ENTPD6: variants seen among roughly 807,000 people sequenced by gnomAD.
ENTPD6 encodes the protein ectonucleoside triphosphate diphosphohydrolase 6.
Under a neutral mutation model 61.5 loss-of-function variants are expected in ENTPD6, and 46 were observed. That is an observed-to-expected ratio of 0.75 (90% CI 0.59 to 0.96). ENTPD6 has a LOEUF of 0.96. Among genes scored for constraint, ENTPD6 ranks in the 40% least tolerant of loss-of-function variants. ENTPD6 has a pLI of 0.00. For missense variants in ENTPD6, 612 were observed against 629.0 expected, an observed-to-expected ratio of 0.97 and a Z score of 0.29; for synonymous variants, 252 against 255.5, an observed-to-expected ratio of 0.99 and a Z score of 0.13.
intron 9 of ENTPD6, among the ~76,000 whole-genome samples, chr20:25,218,122 C>T (rs545351836): frequency 2.0e-5 from 3 of 152,324 alleles, no homozygotes; most frequent in African/African-American, 4.8e-5. Context: ...CTACAGTATA[C>T]GCACATTCCT....
rs73339034 is a variant in ENTPD6, at chr20:25,202,558, A to G, written c.-15-3964A>G. Among the ~76,000 whole-genome samples, 1,271 of 152,128 alleles carry G rather than the reference A, an allele frequency of 8.4e-3. 19 individuals are homozygous for G. The highest frequency in any genetic ancestry group is 0.029 in the African/African-American group (1,202 of 41,494). ...TTGTGTATATGCTACAGACATTTCCATTGTGGTTACAACCATAGGGATTAC... is the reference window on the plus strand; with the variant it reads ...TTGTGTATATGCTACAGACATTTCCGTTGTGGTTACAACCATAGGGATTAC... On this transcript the variant is annotated intron_variant, in intron 1 of 14. Transcript: ENST00000376652.
chr20:25,207,064 C>T lies in ENTPD6; in HGVS notation c.55-12C>T, dbSNP rs182067559. 5,991 of 1,590,900 alleles carry T rather than the reference C, an allele frequency of 3.8e-3. 19 individuals are homozygous for T. Among genetic ancestry groups the T allele is most frequent in the Middle Eastern group, 8.6e-3 (51 of 5,964 alleles). Reference sequence around the variant, plus strand: ...TAACGTGCTTTTCCTGCCTCTCCCCCCTTCCCACCAGCAGCCGCAGCACGG... The same window carrying T: ...TAACGTGCTTTTCCTGCCTCTCCCCTCTTCCCACCAGCAGCCGCAGCACGG... On this transcript the variant is annotated splice_polypyrimidine_tract_variant and intron_variant, in intron 2 of 14. Coordinates refer to ENST00000376652, the MANE Select transcript of ENTPD6 (RefSeq NM_001247.5).
chr20:25,224,081 G>A lies in ENTPD6; in HGVS notation c.1187-20G>A, dbSNP rs772792473. 1.9e-6 allele frequency: 3 copies of A among 1,609,322 alleles called. No individual in the cohort carries two copies. The highest frequency in any genetic ancestry group is 3.4e-5 in the Admixed American group (2 of 59,522). The stretch of plus-strand genomic sequence containing the variant: ...CAACCTCACAGTGCTCCTGCAGACT[G>A]GGTGTTGTGTCTCCCACAGATGCGG... On this transcript the variant is annotated intron_variant, in intron 12 of 14. Coordinates refer to ENST00000376652, the MANE Select transcript of ENTPD6 (RefSeq NM_001247.5).
At chr20:25,221,601 G>T in intron 11 of ENTPD6, 1 of 485,342 alleles carries the variant, frequency 2.1e-6, no homozygotes, top group Non-Finnish European at 3.8e-6. Flanking sequence ...TAACAGGCCT[G>T]CAGGGAGGAA....
At chr20:25,216,833 T>C in intron 8 of ENTPD6, 97 bp downstream of exon 8, 1 of 289,906 alleles carries the variant, frequency 3.4e-6, no homozygotes, top group South Asian at 2.8e-5. Flanking sequence ...CGGGGTGGGG[T>C]GGGGGGTGGG....
intron 6 of ENTPD6, 116 bp downstream of exon 6, chr20:25,215,058 C>A: frequency 1.5e-6 from 1 of 680,252 alleles, no homozygotes; most frequent in South Asian, 1.7e-5. Flanking sequence ...AGCCTCCTCC[C>A]CCGTCCGATG....
At chr20:25,210,448 C>T (rs1600573708) in intron 4 of ENTPD6, among the ~76,000 whole-genome samples, 1 of 136,288 alleles carries the variant, frequency 7.3e-6, no homozygotes, top group Non-Finnish European at 1.7e-5. Context: ...GAGTTGAAGA[C>T]CAGCCTGGGC....
Position 25,206,539 on chromosome 20 carries a change from G to GA in ENTPD6, c.9dup (p.Gly4ArgfsTer5). Reference sequence around the variant, plus strand: ...CTTGGCAGGAATGGGCTATGTGAATGAAAAAAGGTATCCGTTATGAAACTT... The same window carrying GA: ...CTTGGCAGGAATGGGCTATGTGAATGAAAAAAAGGTATCCGTTATGAAACTT... On this transcript the variant is annotated frameshift_variant, in exon 2 of 15. Coordinates refer to ENST00000376652, the MANE Select transcript of ENTPD6 (RefSeq NM_001247.5). LOFTEE classifies it high-confidence loss of function. 1.9e-6 allele frequency: 3 copies of GA among 1,613,540 alleles called. No individual in the cohort carries two copies. Among genetic ancestry groups the GA allele is most frequent in the Non-Finnish European group, 2.5e-6 (3 of 1,179,478 alleles).
chr20:25,222,750 G>A, intron 11 of ENTPD6, 88 bp from the exon 12 acceptor site: 1 of 1,537,224 alleles, frequency 6.5e-7, no homozygotes, highest in Non-Finnish European at 8.8e-7. Flanking sequence ...TCAGGTCAGA[G>A]TCTCAAGTCC....
chr20:25,225,041 G>A, intron 13 of ENTPD6, 164 bp from the exon 14 acceptor site: 1 of 1,136,378 alleles, frequency 8.8e-7, no homozygotes. Flanking sequence ...CCACCTGCCT[G>A]TGCTGTGCAC....
chr20:25,204,175 C>G (rs2091273459), intron 1 of ENTPD6, among the ~76,000 whole-genome samples: 1 of 152,176 alleles, frequency 6.6e-6, no homozygotes, highest in Admixed American at 6.5e-5. Context: ...TGATGTGTTG[C>G]TCACATGTGG....
chr20:25,214,365 G>A (rs1309095016), intron 5 of ENTPD6, among the ~76,000 whole-genome samples: 1 of 152,238 alleles, frequency 6.6e-6, no homozygotes, highest in Non-Finnish European at 1.5e-5. Context: ...CGAGGCCAGG[G>A]CCCTGGTGAA....
intron 3 of ENTPD6, among the ~76,000 whole-genome samples, chr20:25,209,115 A>ATTTT (rs35880604): frequency 3.0e-5 from 4 of 132,174 alleles, no homozygotes; most frequent in South Asian, 2.4e-4. Flanking sequence ...TTTTTATTTA[A>ATTTT]TTTTTTTTTT....
intron 4 of ENTPD6, among the ~76,000 whole-genome samples, chr20:25,212,336 T>C (rs2092022193): frequency 6.6e-6 from 1 of 152,172 alleles, no homozygotes; most frequent in Admixed American, 6.5e-5. Context: ...GTGCCACACC[T>C]TTGCAATGTC....
In ENTPD6 at chr20:25,197,052, A is replaced by G. The variant is rs539159404; in HGVS notation, c.-16+1185A>G. On this transcript the variant is annotated intron_variant, in intron 1 of 14. Transcript: ENST00000376652. ...GCCAAGGAGAGAAAAACCTACTGAA[A>G]CCCACCAGGAGGATGAGTGGAAGTT... 4 of 984,460 alleles carry G rather than the reference A, an allele frequency of 4.1e-6. No individual in the cohort carries two copies. The East Asian group carries it at 3.4e-4, about 84-fold the overall frequency. 61.0% of individuals were successfully genotyped at this position (984,460 alleles called of 1,614,324 possible).
At chr20:25,223,248 CGTT>C (rs1190508211) in intron 12 of ENTPD6, among the ~76,000 whole-genome samples, 2 of 152,162 alleles carry the variant, frequency 1.3e-5, no homozygotes, top group African/African-American at 4.8e-5. Flanking sequence ...CACTGGCCCA[CGTT>C]GTCTCAGACT....
Position 25,207,357 on chromosome 20 carries a change from C to A in ENTPD6, c.336C>A (p.Gly112=). 8 of 1,556,394 alleles carry A rather than the reference C, an allele frequency of 5.1e-6. No homozygotes were observed. The highest frequency in any genetic ancestry group is 7.0e-6 in the Non-Finnish European group (8 of 1,146,248). ...YGIMFDAGST[G]TRVHVFQFTR... is the part of the protein sequence containing the mutation. ...TCATGTTTGATGCAGGAAGCACTGG[C>A]ACCCGAGTACACGTCTTCCAGTTCA... is the stretch of plus-strand genomic sequence containing the variant. The change falls in exon 3 of 15, where the codon GGC becomes GGA. Residue 112 remains glycine (G), a synonymous_variant. Coordinates refer to ENST00000376652, the MANE Select transcript of ENTPD6 (RefSeq NM_001247.5).
chr20:25,224,877 C>G (rs2123402352), intron 13 of ENTPD6: 1 of 342,466 alleles, frequency 2.9e-6, no homozygotes, highest in South Asian at 6.9e-5. Flanking sequence ...TTTCTTTCCC[C>G]AGAAAGCTTA....
chr20:25,223,420 A>G (rs2092702515), intron 12 of ENTPD6, among the ~76,000 whole-genome samples: 1 of 152,214 alleles, frequency 6.6e-6, no homozygotes, highest in African/African-American at 2.4e-5. Flanking sequence ...GGAAAAAGGT[A>G]TTCAGAGTTT....
Sources: allele counts gnomAD v4.1 joint callset (sites outside exome capture counted in the v4.1 genomes callset), GRCh38; gene constraint gnomAD v4.1.1; transcripts MANE v1.5; gene names NCBI Gene and HGNC (gene_info 2026-07-23, HGNC 2026-07-21).